The following SMPD4 variants were observed in gnomAD, a reference collection of about 807,000 sequenced individuals.
The protein encoded by SMPD4 is sphingomyelin phosphodiesterase 4.
Under a neutral mutation model 97.8 loss-of-function variants are expected in SMPD4, and 58 were observed. The ratio of observed to expected loss-of-function variants is 0.59; its 90% CI spans 0.48 to 0.74. SMPD4 has a LOEUF of 0.74. Among genes scored for constraint, SMPD4 ranks in the 30% least tolerant of loss-of-function variants. The probability of loss-of-function intolerance (pLI) is 0.00; values close to 1 mark genes in which losing one functional copy is unlikely to be tolerated. For missense variants in SMPD4, 853 were observed against 1,080.5 expected (o/e 0.79, Z 2.95); for synonymous variants, 388 against 450.0 (o/e 0.86, Z 1.74).
intron 16 of SMPD4, 79 bp downstream of exon 16, chr2:130,154,198 T>A: frequency 7.2e-7 from 1 of 1,385,520 alleles, no homozygotes; most frequent in Non-Finnish European, 9.7e-7. Context: ...TCCTTCCTGC[T>A]GGATCACAGC....
intron 9 of SMPD4, among the ~76,000 whole-genome samples, chr2:130,166,919 C>A (rs1479788049): frequency 1.3e-5 from 2 of 152,252 alleles, no homozygotes; most frequent in African/African-American, 2.4e-5. Flanking sequence ...ACAGGCAAAA[C>A]GAAACAACTT....
upstream of SMPD4, chr2:130,181,730 G>C: frequency 6.5e-7 from 1 of 1,548,830 alleles, no homozygotes; most frequent in Non-Finnish European, 8.7e-7. Flanking sequence ...TGGCGAGGCA[G>C]GAGTGCGGGG....
chr2:130,179,453 A>G (rs1481465686), intron 1 of SMPD4, among the ~76,000 whole-genome samples: 1 of 150,580 alleles, frequency 6.6e-6, no homozygotes, highest in East Asian at 2.0e-4. Flanking sequence ...GTCTCACTCC[A>G]TCATCTCACT....
At chr2:130,176,874 T>C (rs1262558203) in intron 1 of SMPD4, among the ~76,000 whole-genome samples, 1 of 152,152 alleles carries the variant, frequency 6.6e-6, no homozygotes, top group African/African-American at 2.4e-5. Flanking sequence ...AGGGTCTCGC[T>C]ATGTTGCCCA....
chr2:130,168,620 G>A (rs1029329794), intron 8 of SMPD4, among the ~76,000 whole-genome samples: 1 of 151,790 alleles, frequency 6.6e-6, no homozygotes, highest in African/African-American at 2.4e-5. Flanking sequence ...CCTAGACTTA[G>A]GCCTCCCAAG....
chr2:130,170,856 T>C (rs1037582891), intron 8 of SMPD4, among the ~76,000 whole-genome samples: 3 of 151,330 alleles, frequency 2.0e-5, no homozygotes, highest in Admixed American at 6.6e-5. Context: ...AGGTCAGGAG[T>C]TTGAGGCCAG....
At position 130,169,070 on chromosome 2, in the gene SMPD4, C is replaced by T. The variant is rs572570834; in HGVS notation, c.660-1480G>A. The stretch of plus-strand genomic sequence containing the variant: ...AAGTAATTATTTTACAATGGAAAAA[C>T]CTGACCGGCACCTTTTTAACCCAGT... On this transcript the variant is annotated intron_variant, in intron 8 of 19. Transcript: ENST00000680298. Among the ~76,000 whole-genome samples, 257 of 148,900 alleles carry T rather than the reference C, an allele frequency of 1.7e-3. 1 individual carries two copies. The highest frequency in any genetic ancestry group is 2.1e-3 in the Non-Finnish European group (143 of 66,962).
rs775407470 is a variant in SMPD4, at chr2:130,172,357, T to A, written c.651A>T (p.Pro217=). The A allele has an allele frequency of 1.3e-6, 2 of 1,587,598 alleles. No individual in the cohort carries two copies. Among genetic ancestry groups the A allele is most frequent in the African/African-American group, 2.7e-5 (2 of 74,248 alleles). ...ACAAAGGGCAGCCTTACCTGGGAGG[T>A]GGTGAGGGGCTGGTCCCCCCTGGGC... is the stretch of plus-strand genomic sequence containing the variant. ...SSSPGGTSPS[P]PPRTPAIPFA... Residue 217 remains proline, a synonymous_variant, in exon 8 of 20, where the codon CCA becomes CCT. Coordinates refer to ENST00000680298, the MANE Select transcript of SMPD4 (RefSeq NM_017951.5).
intron 1 of SMPD4, among the ~76,000 whole-genome samples, chr2:130,177,966 T>A (rs1689131791): frequency 1.3e-5 from 2 of 152,180 alleles, no homozygotes; most frequent in Admixed American, 1.3e-4. Flanking sequence ...CACATCCAAT[T>A]AGAGTCCTAA....
intron 1 of SMPD4, among the ~76,000 whole-genome samples, chr2:130,179,468 C>A (rs186100091): frequency 6.6e-6 from 1 of 152,106 alleles, no homozygotes; most frequent in African/African-American, 2.4e-5. Flanking sequence ...CTCACTGCAA[C>A]CTCCACCTCC....
At chr2:130,160,018 C>T (rs994914986) in intron 11 of SMPD4, among the ~76,000 whole-genome samples, 2 of 152,230 alleles carry the variant, frequency 1.3e-5, no homozygotes, top group African/African-American at 4.8e-5. Context: ...CTCAGCTCTG[C>T]ACCCCTCCTG....
rs764930113 is a variant in SMPD4 at position 130,156,014 on chromosome 2, G to A, written c.1289+21C>T. 1.9e-6 allele frequency: 3 copies of A among 1,607,448 alleles called. No individual in the cohort carries two copies. The South Asian group carries it at 3.3e-5, about 18-fold the overall frequency. ...ACCTGGGGGAGCCAGTGGCATGTCT[G>A]TGAGAGGAGCTGAGGCTCACCATTT... On this transcript the variant is annotated intron_variant, in intron 14 of 19. Transcript: ENST00000680298.
rs759531506 is a variant in SMPD4 at position 130,153,133 on chromosome 2, CT to C, written c.2063del (p.Gln688ArgfsTer65). On this transcript the variant is annotated frameshift_variant, in exon 19 of 20. Transcript: ENST00000680298. LOFTEE classifies it high-confidence loss of function. Reference sequence around the variant, plus strand: ...GGATGGGCTGCAGCTCCGGGTCCCCCTGGTACTCAATTTCAAACCTTCGCAG... The same window carrying C: ...GGATGGGCTGCAGCTCCGGGTCCCCCGGTACTCAATTTCAAACCTTCGCAG... ...NGLRRFEIEY[Q>X]GDPELQPIRS... 16 of 1,613,914 alleles carry C rather than the reference CT, an allele frequency of 9.9e-6. No individual in the cohort carries two copies. Among genetic ancestry groups the C allele is most frequent in the East Asian group, 8.9e-5 (4 of 44,872 alleles).
Position 130,156,095 on chromosome 2 carries a change from T to A in SMPD4, c.1229A>T (p.Tyr410Phe). 6.2e-7 allele frequency: 1 copy of A among 1,611,184 alleles called. No homozygotes were observed. The highest frequency in any genetic ancestry group is 8.5e-7 in the Non-Finnish European group (1 of 1,179,838). The change falls in exon 14 of 20, where the codon TAC (tyrosine) becomes TTC (phenylalanine). Residue 410 changes from tyrosine (Y) to phenylalanine (F), a missense_variant. Physicochemically the swap from Tyr to Phe is conservative, Grantham distance 22. Coordinates refer to ENST00000680298, the MANE Select transcript of SMPD4 (RefSeq NM_017951.5). The part of the protein sequence containing the change: ...MWLSYLQPWR[Y>F]APDKQAPGSD... ...GCCCGGAGCCTGCTTGTCAGGCGCGTACCGCCACGGCTGCAGGTAGCTCAG... is the reference window on the plus strand; with the variant it reads ...GCCCGGAGCCTGCTTGTCAGGCGCGAACCGCCACGGCTGCAGGTAGCTCAG...
intron 9 of SMPD4, 127 bp downstream of exon 9, chr2:130,167,331 G>C: frequency 7.6e-7 from 1 of 1,324,346 alleles, no homozygotes; most frequent in Non-Finnish European, 1.0e-6. Context: ...ATGCTGGCCA[G>C]GTTGGTCCCA....
chr2:130,161,998 C>T (rs1353964696), intron 10 of SMPD4, among the ~76,000 whole-genome samples: 1 of 152,344 alleles, frequency 6.6e-6, no homozygotes, highest in East Asian at 1.9e-4. Context: ...AGCACAGAGA[C>T]GAGGAGCACA....
chr2:130,168,781 G>A (rs1688172181), intron 8 of SMPD4, among the ~76,000 whole-genome samples: 1 of 151,434 alleles, frequency 6.6e-6, no homozygotes, highest in South Asian at 2.1e-4. Context: ...GAGTACAGGG[G>A]CATGATCTTG....
intron 8 of SMPD4, among the ~76,000 whole-genome samples, chr2:130,167,923 C>T (rs1688086105): frequency 6.6e-6 from 1 of 152,182 alleles, no homozygotes; most frequent in South Asian, 2.1e-4. Context: ...CATGGGGGTT[C>T]ACACCTGTGA....
chr2:130,174,844 G>A lies in SMPD4; in HGVS notation c.126+70C>T. On this transcript the variant is annotated intron_variant, in intron 3 of 19. Coordinates refer to ENST00000680298, the MANE Select transcript of SMPD4 (RefSeq NM_017951.5). ...GGGGTTGGGGCGGGGAGGGAAATTA[G>A]GAATTATAATAAAGTTCTTCAACGA... The A allele has an allele frequency of 2.5e-6, 3 of 1,197,966 alleles. No homozygotes were observed. The South Asian group carries it at 3.8e-5, about 15-fold the overall frequency. The allele number at this position is 1,197,966 out of a possible 1,614,324, so 74.2% of individuals were successfully genotyped here. A position where few individuals can be genotyped will look rare whatever the true frequency, so the allele number is the denominator to read the frequency against.
Sources: allele counts gnomAD v4.1 joint callset (sites outside exome capture counted in the v4.1 genomes callset), GRCh38; gene constraint gnomAD v4.1.1; transcripts MANE v1.5; gene names NCBI Gene and HGNC (gene_info 2026-07-23, HGNC 2026-07-21).